BMPR1B: variants seen among roughly 807,000 people sequenced by gnomAD.
BMPR1B encodes bone morphogenetic protein receptor type 1B.
BMPR1B carries 12 observed loss-of-function variants against 59.1 expected under a neutral mutation model. That is an observed-to-expected ratio of 0.20 (90% CI 0.13 to 0.33). BMPR1B has a LOEUF of 0.33. BMPR1B is among the 10% of genes least tolerant of loss of function. BMPR1B has a pLI of 1.00. For missense variants in BMPR1B, 550 were observed against 610.9 expected, an observed-to-expected ratio of 0.90 and a Z score of 1.05; for synonymous variants, 237 against 207.3, an observed-to-expected ratio of 1.14 and a Z score of -1.23.
At chr4:95,010,923 T>C (rs1008923403) in intron 3 of BMPR1B, among the ~76,000 whole-genome samples, 4 of 152,208 alleles carry the variant, frequency 2.6e-5, no homozygotes, top group Non-Finnish European at 1.5e-5. Flanking sequence ...ATGTGCCTTA[T>C]ATTATTTAGG....
At chr4:94,949,166 C>T (rs1729832450) in intron 2 of BMPR1B, among the ~76,000 whole-genome samples, 1 of 152,090 alleles carries the variant, frequency 6.6e-6, no homozygotes, top group Admixed American at 6.5e-5. Flanking sequence ...AGGTTCCCCT[C>T]CCTGTGCCCA....
At chr4:94,839,332 G>C (rs1191498059) in intron 1 of BMPR1B, among the ~76,000 whole-genome samples, 4 of 133,892 alleles carry the variant, frequency 3.0e-5, no homozygotes, top group Non-Finnish European at 6.7e-5. Flanking sequence ...TTTCTGTCTC[G>C]TTGATCTGTC....
At chr4:94,760,027 T>C (rs1313844552) in intron 1 of BMPR1B, among the ~76,000 whole-genome samples, 1 of 152,232 alleles carries the variant, frequency 6.6e-6, no homozygotes, top group African/African-American at 2.4e-5. Context: ...GAAAACCACC[T>C]TTTCCTTTTA....
intron 2 of BMPR1B, among the ~76,000 whole-genome samples, chr4:94,986,164 T>C (rs930760462): frequency 5.9e-5 from 9 of 152,224 alleles, no homozygotes; most frequent in Non-Finnish European, 1.2e-4. Flanking sequence ...TTAATTACTA[T>C]ATTGACATGC....
At chr4:94,915,940 G>A (rs559640507) in intron 2 of BMPR1B, among the ~76,000 whole-genome samples, 1 of 152,256 alleles carries the variant, frequency 6.6e-6, no homozygotes, top group East Asian at 1.9e-4. Flanking sequence ...ATTTAAAAGT[G>A]TGTGGCACCT....
rs115470972 is a variant in BMPR1B at position 95,048,787 on chromosome 4, C to T, written c.-18+52653C>T. On this transcript the variant is annotated intron_variant, in intron 3 of 12. Coordinates refer to ENST00000515059, the MANE Select transcript of BMPR1B (RefSeq NM_001203.3). Reference sequence around the variant, plus strand: ...TAGGGTGAGAGGGTTAAATCATAGGCAAATCTGGGTGGTTCTGCTAAATTA... The same window carrying T: ...TAGGGTGAGAGGGTTAAATCATAGGTAAATCTGGGTGGTTCTGCTAAATTA... 8.7e-3 allele frequency among the ~76,000 whole-genome samples: 1,322 copies of T among 152,094 alleles called. 10 individuals are homozygous for T. Among genetic ancestry groups the T allele is most frequent in the Non-Finnish European group, 0.014 (939 of 68,000 alleles).
intron 1 of BMPR1B, among the ~76,000 whole-genome samples, chr4:94,829,829 A>G (rs1218107478): frequency 6.6e-6 from 1 of 152,130 alleles, no homozygotes; most frequent in Admixed American, 6.6e-5. Flanking sequence ...AGTTTATTAT[A>G]TTTTACAGTG....
chr4:94,960,338 T>A (rs1166985078), intron 2 of BMPR1B, among the ~76,000 whole-genome samples: 1 of 152,128 alleles, frequency 6.6e-6, no homozygotes, highest in Non-Finnish European at 1.5e-5. Context: ...TAAGAGATAT[T>A]TATCTTCAGA....
At chr4:94,917,681 T>C (rs1480726729) in intron 2 of BMPR1B, among the ~76,000 whole-genome samples, 1 of 152,182 alleles carries the variant, frequency 6.6e-6, no homozygotes, top group East Asian at 1.9e-4. Flanking sequence ...CTTTGCCTTA[T>C]CTCAGATGAG....
intron 3 of BMPR1B, among the ~76,000 whole-genome samples, chr4:95,046,297 G>C (rs1476816029): frequency 6.6e-6 from 1 of 152,112 alleles, no homozygotes; most frequent in African/African-American, 2.4e-5. Context: ...GGAACAACTT[G>C]ATAAATGTTA....
Position 94,819,706 on chromosome 4 carries a change from T to C in BMPR1B, c.-182-56125T>C, listed in dbSNP as rs147159243. ...ACCTTGCACTCTAATCTGAACACTCTTGAGATTTTCAAGTACATGCTGACA... is the reference window on the plus strand; with the variant it reads ...ACCTTGCACTCTAATCTGAACACTCCTGAGATTTTCAAGTACATGCTGACA... On this transcript the variant is annotated intron_variant, in intron 1 of 12. Transcript: ENST00000515059. Among the ~76,000 whole-genome samples, 49 of 152,332 alleles carry C rather than the reference T, an allele frequency of 3.2e-4. No individual in the cohort carries two copies. The East Asian group carries it at 8.7e-3, about 27-fold the overall frequency.
At chr4:94,831,488 C>T (rs527810196) in intron 1 of BMPR1B, among the ~76,000 whole-genome samples, 26 of 152,226 alleles carry the variant, frequency 1.7e-4, no homozygotes, top group African/African-American at 5.5e-4. Context: ...ACAGTAATGT[C>T]GTAGGATTCC....
intron 10 of BMPR1B, among the ~76,000 whole-genome samples, chr4:95,134,477 C>T (rs1265951583): frequency 2.0e-5 from 3 of 152,168 alleles, no homozygotes; most frequent in Non-Finnish European, 4.4e-5. Flanking sequence ...AGTTTACAGC[C>T]CCACAAACAG....
At chr4:94,841,579 C>T (rs866617004) in intron 1 of BMPR1B, among the ~76,000 whole-genome samples, 1 of 149,358 alleles carries the variant, frequency 6.7e-6, no homozygotes, top group African/African-American at 2.5e-5. Flanking sequence ...TCGCTGACCC[C>T]TTGCGCTTCC....
intron 3 of BMPR1B, among the ~76,000 whole-genome samples, chr4:95,078,527 G>C (rs1316953165): frequency 1.3e-5 from 2 of 152,062 alleles, no homozygotes; most frequent in African/African-American, 4.8e-5. Flanking sequence ...TATTACCCCT[G>C]TTTTCAAGAT....
intron 6 of BMPR1B, among the ~76,000 whole-genome samples, chr4:95,117,807 A>G (rs1019451222): frequency 2.0e-5 from 3 of 152,142 alleles, no homozygotes; most frequent in African/African-American, 7.2e-5. Flanking sequence ...TTTTAAATAA[A>G]TAAGAAAAGA....
intron 6 of BMPR1B, among the ~76,000 whole-genome samples, chr4:95,121,673 A>G (rs1732540630): frequency 6.6e-6 from 1 of 152,180 alleles, no homozygotes; most frequent in Admixed American, 6.5e-5. Context: ...ACAATGAGAA[A>G]TCTAGGTGAA....
At chr4:94,880,395 G>A (rs1726910362) in intron 2 of BMPR1B, among the ~76,000 whole-genome samples, 1 of 152,138 alleles carries the variant, frequency 6.6e-6, no homozygotes, top group South Asian at 2.1e-4. Context: ...CACGATCATA[G>A]CTCACTGCAG....
At chr4:94,906,410 A>G (rs375172635) in intron 2 of BMPR1B, among the ~76,000 whole-genome samples, 4 of 152,216 alleles carry the variant, frequency 2.6e-5, no homozygotes, top group African/African-American at 9.6e-5. Context: ...TATATGGGGA[A>G]AAAACAAACA....
Sources: allele counts gnomAD v4.1 joint callset (sites outside exome capture counted in the v4.1 genomes callset), GRCh38; gene constraint gnomAD v4.1.1; transcripts MANE v1.5; gene names NCBI Gene and HGNC (gene_info 2026-07-23, HGNC 2026-07-21).